SLC24A2: variants seen among roughly 807,000 people sequenced by gnomAD.
SLC24A2 encodes solute carrier family 24 member 2.
Under a neutral mutation model 62.0 loss-of-function variants are expected in SLC24A2, and 36 were observed. That is an observed-to-expected ratio of 0.58 (90% CI 0.44 to 0.77). The LOEUF is 0.77. SLC24A2 is among the 30% of genes least tolerant of loss of function. SLC24A2 has a pLI of 0.00. For missense variants in SLC24A2, 846 were observed against 817.9 expected (o/e 1.03, Z -0.42); for synonymous variants, 358 against 294.0 (o/e 1.22, Z -2.23).
chr9:20,147,958 C>T, the SLC24A2 span, among the ~76,000 whole-genome samples: 1 of 152,054 alleles, frequency 6.6e-6, no homozygotes, highest in African/African-American at 2.4e-5. Context: ...TAGGAGAATG[C>T]TTTACCTCCA....
the SLC24A2 span, among the ~76,000 whole-genome samples, chr9:20,082,982 T>G: frequency 1.3e-5 from 2 of 152,204 alleles, no homozygotes; most frequent in East Asian, 3.8e-4. Flanking sequence ...GCAATGTGCC[T>G]TTTCTTGGCA....
rs149291920 is a variant in SLC24A2 at position 19,523,802 on chromosome 9, C to T, written c.1570-2742G>A. ...TATAACTCAGACATTACTCCTTTCCCTCTCCAATTTATTAGACTGTCAGGT... is the reference window on the plus strand; with the variant it reads ...TATAACTCAGACATTACTCCTTTCCTTCTCCAATTTATTAGACTGTCAGGT... On this transcript the variant is annotated intron_variant, in intron 9 of 10. Transcript: ENST00000341998. Among the ~76,000 whole-genome samples the T allele has an allele frequency of 4.5e-3, 683 of 152,258 alleles. 5 individuals carry two copies. Among genetic ancestry groups the T allele is most frequent in the African/African-American group, 0.016 (662 of 41,538 alleles).
At chr9:19,962,135 T>C in the SLC24A2 span, among the ~76,000 whole-genome samples, 1 of 152,218 alleles carries the variant, frequency 6.6e-6, no homozygotes, top group African/African-American at 2.4e-5. Context: ...CCATGAACTT[T>C]TATGGACTGC....
chr9:20,074,515 T>C, the SLC24A2 span, among the ~76,000 whole-genome samples: 4 of 150,012 alleles, frequency 2.7e-5, no homozygotes, highest in African/African-American at 9.9e-5. Context: ...TATTAGGTCA[T>C]GCCCAGTAGC....
upstream of SLC24A2, among the ~76,000 whole-genome samples, chr9:19,792,304 G>A (rs1383169167): frequency 3.9e-5 from 6 of 152,218 alleles, no homozygotes; most frequent in Non-Finnish European, 4.4e-5. Context: ...TGGAGTCATA[G>A]TAATGATTAG....
At chr9:20,241,486 C>T in the SLC24A2 span, among the ~76,000 whole-genome samples, 879 of 152,248 alleles carry the variant, frequency 5.8e-3, 4 homozygotes, top group African/African-American at 0.019. Flanking sequence ...GCCTAGACCT[C>T]TCAGCATACA....
At chr9:20,239,843 G>A in the SLC24A2 span, among the ~76,000 whole-genome samples, 2 of 150,862 alleles carry the variant, frequency 1.3e-5, no homozygotes, top group Non-Finnish European at 2.9e-5. Context: ...AAAGAGATAT[G>A]GTATGAAAAT....
At chr9:19,603,583 C>T (rs1019081470) in intron 4 of SLC24A2, among the ~76,000 whole-genome samples, 4 of 152,084 alleles carry the variant, frequency 2.6e-5, no homozygotes, top group Admixed American at 6.6e-5. Flanking sequence ...TAATTCCACC[C>T]CTAAATATCT....
At chr9:20,231,329 T>C in the SLC24A2 span, among the ~76,000 whole-genome samples, 1 of 152,232 alleles carries the variant, frequency 6.6e-6, no homozygotes, top group Non-Finnish European at 1.5e-5. Context: ...TTGGGCAGTA[T>C]GGCCATTTTC....
the SLC24A2 span, among the ~76,000 whole-genome samples, chr9:20,068,689 C>G: frequency 6.6e-6 from 1 of 152,080 alleles, no homozygotes; most frequent in Admixed American, 6.6e-5. Context: ...GATGATGTCT[C>G]CGTGGAAGTG....
intron 2 of SLC24A2, among the ~76,000 whole-genome samples, chr9:19,741,485 C>A (rs1821677057): frequency 6.6e-6 from 1 of 152,156 alleles, no homozygotes; most frequent in African/African-American, 2.4e-5. Context: ...ACTCTCTGCT[C>A]CAAGTACCAG....
rs375615116 is a variant in SLC24A2, at chr9:19,510,379, T to A, written c.*5774A>T. 5 of 140,030 alleles carry A rather than the reference T, an allele frequency of 3.6e-5. No individual in the cohort carries two copies. In the East Asian group the frequency reaches 8.5e-4, roughly 24 times the overall value. The allele number at this position is 140,030 out of a possible 1,614,324, so 8.7% of individuals were successfully genotyped here. A position where few individuals can be genotyped will look rare whatever the true frequency, so the allele number is the denominator to read the frequency against. On this transcript the variant is annotated 3_prime_UTR_variant, in exon 11 of 11. Transcript: ENST00000341998. ...AAATAGGTAAAGAGTCACATAGCGGTAACTTCCAACTATGGGGCAAAGAGT... is the reference window on the plus strand; with the variant it reads ...AAATAGGTAAAGAGTCACATAGCGGAAACTTCCAACTATGGGGCAAAGAGT...
chr9:19,965,890 A>G, the SLC24A2 span, among the ~76,000 whole-genome samples: 3 of 152,180 alleles, frequency 2.0e-5, no homozygotes, highest in Non-Finnish European at 2.9e-5. Flanking sequence ...CCTTAAAACT[A>G]TGAGTAAAGA....
chr9:20,298,861 TC>T, the SLC24A2 span, among the ~76,000 whole-genome samples: 1 of 152,188 alleles, frequency 6.6e-6, no homozygotes, highest in African/African-American at 2.4e-5. Flanking sequence ...CCTTTGCCCT[TC>T]TCCTTACTAG....
chr9:19,645,632 C>T lies in SLC24A2; in HGVS notation c.931-23333G>A, dbSNP rs1587088457. On this transcript the variant is annotated intron_variant, in intron 2 of 10. Coordinates refer to ENST00000341998, the MANE Select transcript of SLC24A2 (RefSeq NM_020344.4). ...GTGAGTTCCGGTGACAGTTCTCAGG[C>T]CAAGTACAGAGCGGCATGGGGGTGG... Among the ~76,000 whole-genome samples, 5 of 152,216 alleles carry T rather than the reference C, an allele frequency of 3.3e-5. No homozygotes were observed. The Middle Eastern group carries it at 0.014, about 414-fold the overall frequency.
At chr9:19,974,408 T>C in the SLC24A2 span, among the ~76,000 whole-genome samples, 1 of 152,204 alleles carries the variant, frequency 6.6e-6, no homozygotes, top group Admixed American at 6.5e-5. Context: ...CAGGGAGCCT[T>C]TGGCATTTCC....
chr9:19,835,295 G>T, the SLC24A2 span, among the ~76,000 whole-genome samples: 12 of 152,298 alleles, frequency 7.9e-5, no homozygotes, highest in South Asian at 2.5e-3. Flanking sequence ...TGGATAAAGA[G>T]TCAAGACACA....
At chr9:20,193,128 G>A in the SLC24A2 span, among the ~76,000 whole-genome samples, 4 of 152,020 alleles carry the variant, frequency 2.6e-5, no homozygotes, top group Admixed American at 6.6e-5. Context: ...AATAACAGGT[G>A]GTAGAACAGT....
the SLC24A2 span, among the ~76,000 whole-genome samples, chr9:20,014,756 T>C: frequency 6.6e-6 from 1 of 152,024 alleles, no homozygotes; most frequent in Non-Finnish European, 1.5e-5. Flanking sequence ...GGAGGAAAAG[T>C]TGTTGTCCAA....
Sources: allele counts gnomAD v4.1 joint callset (sites outside exome capture counted in the v4.1 genomes callset), GRCh38; gene constraint gnomAD v4.1.1; transcripts MANE v1.5; gene names NCBI Gene and HGNC (gene_info 2026-07-23, HGNC 2026-07-21).